Variants in COL25A1 observed in about 807,000 individuals in gnomAD.
COL25A1 encodes collagen type XXV alpha 1 chain, also known as collagen alpha-1(XXV) chain.
A neutral mutation model predicts 128.4 loss-of-function variants in COL25A1; 103 were observed. The ratio of observed to expected loss-of-function variants is 0.80; its 90% confidence interval spans 0.68 to 0.94. The LOEUF is 0.94. COL25A1 is among the 40% of genes least tolerant of loss of function. The pLI, the probability that COL25A1 is intolerant of heterozygous loss-of-function variation, is 0.00. For synonymous variants in COL25A1, 279 were observed against 277.2 expected (o/e 1.01, Z -0.06); for missense variants, 745 against 840.0 (o/e 0.89, Z 1.40).
intron 6 of COL25A1, among the ~76,000 whole-genome samples, chr4:108,979,459 A>G (rs1752749920): frequency 6.6e-6 from 1 of 152,218 alleles, no homozygotes; most frequent in African/African-American, 2.4e-5. Flanking sequence ...TTTTTTATTT[A>G]CTGGAACTGT....
chr4:109,005,212 G>A (rs1268406284), intron 6 of COL25A1, among the ~76,000 whole-genome samples: 1 of 152,168 alleles, frequency 6.6e-6, no homozygotes, highest in African/African-American at 2.4e-5. Flanking sequence ...CAGAGCAGCA[G>A]CAAGAGAGAG....
chr4:108,890,787 A>C (rs1363533436), intron 16 of COL25A1, among the ~76,000 whole-genome samples: 1 of 152,052 alleles, frequency 6.6e-6, no homozygotes, highest in African/African-American at 2.4e-5. Context: ...CTGCTCATCA[A>C]TCTCTTTTAG....
chr4:109,291,917 C>T (rs1724507248), intron 3 of COL25A1, among the ~76,000 whole-genome samples: 1 of 152,052 alleles, frequency 6.6e-6, no homozygotes, highest in Non-Finnish European at 1.5e-5. Flanking sequence ...AATACTCTGA[C>T]CCATTAAAGA....
chr4:108,873,575 A>G (rs1483465725), intron 19 of COL25A1, among the ~76,000 whole-genome samples: 1 of 150,250 alleles, frequency 6.7e-6, no homozygotes, highest in Admixed American at 6.7e-5. Flanking sequence ...CAGTAGCAGC[A>G]GTAGCAGTAG....
chr4:108,994,213 G>A lies in COL25A1; in HGVS notation c.438+16145C>T, dbSNP rs147563642. Among the ~76,000 whole-genome samples the A allele has an allele frequency of 3.1e-3, 469 of 152,300 alleles. 7 individuals are homozygous for A. Among genetic ancestry groups the A allele is most frequent in the East Asian group, 0.025 (128 of 5,174 alleles). ...TTCCCTTTCCTAGCCAAGGGAAGCCGTGACAGACTGCACCTGGAGAAACGG... is the reference window on the plus strand; with the variant it reads ...TTCCCTTTCCTAGCCAAGGGAAGCCATGACAGACTGCACCTGGAGAAACGG... On this transcript the variant is annotated intron_variant, in intron 6 of 37. Coordinates refer to ENST00000399132, the MANE Select transcript of COL25A1 (RefSeq NM_198721.4).
chr4:108,983,306 T>C (rs1465669138), intron 6 of COL25A1, among the ~76,000 whole-genome samples: 1 of 152,216 alleles, frequency 6.6e-6, no homozygotes, highest in East Asian at 1.9e-4. Context: ...AATGCCCTAG[T>C]AGCCCTGTGA....
At chr4:109,100,298 A>T (rs1238991255) in intron 3 of COL25A1, among the ~76,000 whole-genome samples, 2 of 152,200 alleles carry the variant, frequency 1.3e-5, no homozygotes, top group African/African-American at 2.4e-5. Context: ...CCTCATTAAA[A>T]ATCATAAAAG....
intron 8 of COL25A1, among the ~76,000 whole-genome samples, chr4:108,955,038 G>A (rs1417332598): frequency 6.6e-6 from 1 of 151,696 alleles, no homozygotes. Flanking sequence ...ACCGAGATAA[G>A]TGACCAGTTC....
chr4:109,082,142 T>C (rs903789486), intron 3 of COL25A1, among the ~76,000 whole-genome samples: 11 of 152,250 alleles, frequency 7.2e-5, no homozygotes, highest in Admixed American at 1.3e-4. Context: ...CAGTACTACA[T>C]TCAATTTCAT....
At chr4:109,093,985 C>T (rs890230324) in intron 3 of COL25A1, among the ~76,000 whole-genome samples, 2 of 151,862 alleles carry the variant, frequency 1.3e-5, no homozygotes, top group Non-Finnish European at 2.9e-5. Context: ...ATGTCACAGG[C>T]CCTGTTTATT....
chr4:109,184,859 C>T (rs1774990966), intron 3 of COL25A1, among the ~76,000 whole-genome samples: 1 of 152,142 alleles, frequency 6.6e-6, no homozygotes, highest in African/African-American at 2.4e-5. Context: ...TGAGGAAACT[C>T]ATTCCTTATT....
intron 26 of COL25A1, among the ~76,000 whole-genome samples, chr4:108,851,239 A>C (rs1735744316): frequency 1.3e-5 from 2 of 152,118 alleles, no homozygotes; most frequent in African/African-American, 4.8e-5. Context: ...CTGGAGAAAT[A>C]GAAAGTTAAA....
chr4:108,993,267 A>G (rs1200886242), intron 6 of COL25A1, among the ~76,000 whole-genome samples: 5 of 152,154 alleles, frequency 3.3e-5, no homozygotes, highest in Non-Finnish European at 5.9e-5. Flanking sequence ...CCACATACGC[A>G]TGAGAACACG....
At chr4:108,921,286 T>C (rs1745461511) in intron 11 of COL25A1, among the ~76,000 whole-genome samples, 2 of 152,186 alleles carry the variant, frequency 1.3e-5, no homozygotes, top group Non-Finnish European at 2.9e-5. Flanking sequence ...TGCAGCAATT[T>C]TGAGATTTAG....
chr4:109,256,141 A>C (rs1781073282), intron 3 of COL25A1, among the ~76,000 whole-genome samples: 1 of 145,276 alleles, frequency 6.9e-6, no homozygotes, highest in African/African-American at 2.8e-5. Flanking sequence ...AATTTAACCT[A>C]GAGAGAAGAG....
chr4:109,144,765 T>G (rs1446078200), intron 3 of COL25A1, among the ~76,000 whole-genome samples: 1 of 152,228 alleles, frequency 6.6e-6, no homozygotes, highest in Non-Finnish European at 1.5e-5. Context: ...TGTGTAAGTA[T>G]TCAGAAACAA....
At chr4:109,300,738 T>C in intron 2 of COL25A1, 86 bp from the exon 3 acceptor site, 2 of 885,122 alleles carry the variant, frequency 2.3e-6, no homozygotes, top group Non-Finnish European at 3.8e-6. Context: ...ACGCCTGATT[T>C]ACCGGCATTT....
intron 3 of COL25A1, 87 bp from the exon 4 acceptor site, chr4:109,050,266 CT>C: frequency 9.9e-7 from 1 of 1,005,088 alleles, no homozygotes; most frequent in Non-Finnish European, 1.5e-6. Context: ...TATATATTTT[CT>C]CATTGTTTTT....
At chr4:108,894,976 T>C (rs964470130) in intron 16 of COL25A1, among the ~76,000 whole-genome samples, 6 of 152,154 alleles carry the variant, frequency 3.9e-5, no homozygotes, top group Admixed American at 6.6e-5. Context: ...GGAGGTGCCA[T>C]AGGCATCTTG....
Sources: allele counts gnomAD v4.1 joint callset (sites outside exome capture counted in the v4.1 genomes callset), GRCh38; gene constraint gnomAD v4.1.1; transcripts MANE v1.5; gene names NCBI Gene and HGNC (gene_info 2026-07-23, HGNC 2026-07-21).